SLC24A3: variants seen among roughly 807,000 people sequenced by gnomAD.
The protein encoded by SLC24A3 is sodium/potassium/calcium exchanger 3.
In SLC24A3, 28 loss-of-function variants were observed where a neutral mutation model predicts 75.8. That is an observed-to-expected ratio of 0.37 (90% CI 0.27 to 0.51). The LOEUF is 0.51. Among genes scored for constraint, SLC24A3 ranks in the 20% least tolerant of loss-of-function variants. The pLI, the probability that SLC24A3 is intolerant of heterozygous loss-of-function variation, is 0.94. For synonymous variants in SLC24A3, 372 were observed against 334.1 expected, an observed-to-expected ratio of 1.11 and a Z score of -1.24; for missense variants, 663 against 847.8, an observed-to-expected ratio of 0.78 and a Z score of 2.71.
rs539102987 is a variant in SLC24A3 at position 19,448,227 on chromosome 20, CA to C, written c.272-67260del. Among the ~76,000 whole-genome samples the C allele has an allele frequency of 3.9e-5, 6 of 152,324 alleles. No individual in the cohort carries two copies. In the East Asian group the frequency reaches 1.2e-3, roughly 29 times the overall value. On this transcript the variant is annotated intron_variant, in intron 2 of 16. Transcript: ENST00000328041. ...CAGAGCCAGACACAGTGCTGGACCC[CA>C]TGATCTGCGATTATTTTCGCATTAC...
intron 2 of SLC24A3, among the ~76,000 whole-genome samples, chr20:19,511,085 T>C (rs1286429188): frequency 6.6e-6 from 1 of 152,090 alleles, no homozygotes; most frequent in Non-Finnish European, 1.5e-5. Flanking sequence ...AGTAGACAAC[T>C]CTGAGACCTG....
chr20:19,678,107 C>T (rs2032550433), intron 9 of SLC24A3, among the ~76,000 whole-genome samples: 1 of 150,808 alleles, frequency 6.6e-6, no homozygotes, highest in Admixed American at 6.6e-5. Context: ...ATGTCTACTT[C>T]TTTCTACACA....
At chr20:19,605,843 C>T (rs2031589727) in intron 6 of SLC24A3, among the ~76,000 whole-genome samples, 1 of 152,134 alleles carries the variant, frequency 6.6e-6, no homozygotes, top group Non-Finnish European at 1.5e-5. Context: ...TCCCTAACTC[C>T]TCCACTCAAG....
At chr20:19,477,401 G>T (rs1416061612) in intron 2 of SLC24A3, among the ~76,000 whole-genome samples, 2 of 152,226 alleles carry the variant, frequency 1.3e-5, no homozygotes, top group Non-Finnish European at 2.9e-5. Context: ...GCAACTGGTA[G>T]AACCTGCAGG....
At chr20:19,229,681 C>G in intron 1 of SLC24A3, among the ~76,000 whole-genome samples, 1 of 152,114 alleles carries the variant, frequency 6.6e-6, no homozygotes, top group South Asian at 2.1e-4. Context: ...AGAATATGAC[C>G]TTTAATTGTG....
At chr20:19,499,239 T>C (rs1320649037) in intron 2 of SLC24A3, among the ~76,000 whole-genome samples, 2 of 152,248 alleles carry the variant, frequency 1.3e-5, no homozygotes, top group African/African-American at 2.4e-5. Flanking sequence ...CAGATACATA[T>C]ACATATGTAC....
intron 2 of SLC24A3, among the ~76,000 whole-genome samples, chr20:19,340,808 G>A (rs1034085186): frequency 6.6e-6 from 1 of 152,198 alleles, no homozygotes; most frequent in Non-Finnish European, 1.5e-5. Flanking sequence ...AATATGAAAA[G>A]TACAGTTGTA....
intron 2 of SLC24A3, among the ~76,000 whole-genome samples, chr20:19,359,668 G>C (rs188805233): frequency 2.3e-4 from 35 of 152,326 alleles, no homozygotes; most frequent in Admixed American, 6.5e-4. Context: ...CAGATTGTAG[G>C]TGGTTACCCG....
Position 19,620,167 on chromosome 20 carries a change from G to A in SLC24A3, c.613-33895G>A, listed in dbSNP as rs563946331. ...CCCAGCACAAAGAGGCTATCATCCT[G>A]CAAATCCACCCATGACACCTTTACT... is the stretch of plus-strand genomic sequence containing the variant. On this transcript the variant is annotated intron_variant, in intron 6 of 16. Coordinates refer to ENST00000328041, the MANE Select transcript of SLC24A3 (RefSeq NM_020689.4). 2.0e-5 allele frequency among the ~76,000 whole-genome samples: 3 copies of A among 152,244 alleles called. No individual in the cohort carries two copies. In the South Asian group the frequency reaches 6.2e-4, roughly 32 times the overall value.
chr20:19,377,387 A>C (rs1247470118), intron 2 of SLC24A3, among the ~76,000 whole-genome samples: 1 of 152,232 alleles, frequency 6.6e-6, no homozygotes, highest in East Asian at 1.9e-4. Flanking sequence ...CCCCAGTAGC[A>C]TAATAGCAGC....
intron 2 of SLC24A3, among the ~76,000 whole-genome samples, chr20:19,422,835 G>A (rs375894046): frequency 1.3e-5 from 2 of 152,192 alleles, no homozygotes; most frequent in South Asian, 4.1e-4. Flanking sequence ...GTGAGTTGGG[G>A]GAAGAACGAG....
intron 8 of SLC24A3, among the ~76,000 whole-genome samples, chr20:19,670,946 A>G (rs143698728): frequency 2.0e-4 from 30 of 152,340 alleles, no homozygotes; most frequent in African/African-American, 7.0e-4. Flanking sequence ...GAGACACCAG[A>G]TACCAGGGAA....
chr20:19,274,096 T>C (rs1435567165), intron 1 of SLC24A3, among the ~76,000 whole-genome samples: 1 of 151,342 alleles, frequency 6.6e-6, no homozygotes, highest in Non-Finnish European at 1.5e-5. Context: ...CTGAAAACGC[T>C]CAACTTTCAA....
In SLC24A3 at chr20:19,722,369, A is replaced by C. The variant is rs1368767044; in HGVS notation, c.*1229A>C. Reference sequence around the variant, plus strand: ...CCCTTCCTGGAGGGATGGCCAGGGAAGGAGAAAACAGAGAACTGACACCTT... The same window carrying C: ...CCCTTCCTGGAGGGATGGCCAGGGACGGAGAAAACAGAGAACTGACACCTT... On this transcript the variant is annotated 3_prime_UTR_variant, in exon 17 of 17. Coordinates refer to ENST00000328041, the MANE Select transcript of SLC24A3 (RefSeq NM_020689.4). The C allele has an allele frequency of 6.5e-6, 1 of 152,702 alleles. No homozygotes were observed. Among genetic ancestry groups the C allele is most frequent in the Non-Finnish European group, 1.5e-5 (1 of 68,060 alleles). The allele number at this position is 152,702 out of a possible 1,614,324, so 9.5% of individuals were successfully genotyped here. A position where few individuals can be genotyped will look rare whatever the true frequency, so the allele number is the denominator to read the frequency against.
chr20:19,450,184 G>A (rs997161359), intron 2 of SLC24A3, among the ~76,000 whole-genome samples: 14 of 152,190 alleles, frequency 9.2e-5, no homozygotes, highest in African/African-American at 3.4e-4. Context: ...AAGAAGTTAG[G>A]TGAGAAAGCT....
At chr20:19,643,065 G>T (rs1006713270) in intron 6 of SLC24A3, among the ~76,000 whole-genome samples, 9 of 152,190 alleles carry the variant, frequency 5.9e-5, no homozygotes, top group Admixed American at 2.0e-4. Flanking sequence ...CTGAAGATCA[G>T]TTGGGGCCAG....
intron 6 of SLC24A3, among the ~76,000 whole-genome samples, chr20:19,623,164 A>G (rs1031777762): frequency 1.3e-5 from 2 of 152,232 alleles, no homozygotes; most frequent in African/African-American, 2.4e-5. Context: ...AAAAAAAGCT[A>G]TCAAATACAG....
intron 2 of SLC24A3, among the ~76,000 whole-genome samples, chr20:19,479,349 G>A (rs768462961): frequency 6.6e-6 from 1 of 152,180 alleles, no homozygotes; most frequent in African/African-American, 2.4e-5. Flanking sequence ...CTCCATATCT[G>A]TATTTACGAG....
At chr20:19,527,695 C>A (rs554484174) in intron 3 of SLC24A3, among the ~76,000 whole-genome samples, 1 of 152,188 alleles carries the variant, frequency 6.6e-6, no homozygotes. Flanking sequence ...AGACCCTGCC[C>A]TGCAAAGACA....
Sources: allele counts gnomAD v4.1 joint callset (sites outside exome capture counted in the v4.1 genomes callset), GRCh38; gene constraint gnomAD v4.1.1; transcripts MANE v1.5; gene names NCBI Gene and HGNC (gene_info 2026-07-23, HGNC 2026-07-21).